Variants in CAMK1D observed in about 807,000 individuals in gnomAD.
CAMK1D encodes the protein calcium/calmodulin-dependent protein kinase type 1D.
Under a neutral mutation model 47.7 loss-of-function variants are expected in CAMK1D, and 9 were observed. The ratio of observed to expected loss-of-function variants is 0.19; its 90% CI spans 0.11 to 0.33. The LOEUF is 0.33. Among genes scored for constraint, CAMK1D ranks in the 10% least tolerant of loss-of-function variants. The pLI is 1.00. For synonymous variants in CAMK1D, 184 were observed against 184.9 expected (o/e 0.99, Z 0.04); for missense variants, 291 against 488.7 (o/e 0.60, Z 3.81).
intron 1 of CAMK1D, among the ~76,000 whole-genome samples, chr10:12,380,263 C>T (rs1386172500): frequency 3.9e-5 from 6 of 152,040 alleles, no homozygotes; most frequent in Non-Finnish European, 8.8e-5. Flanking sequence ...AGGTGAAACC[C>T]TTTTTCCTTA....
chr10:12,511,229 A>G (rs1418019857), intron 1 of CAMK1D, among the ~76,000 whole-genome samples: 1 of 152,160 alleles, frequency 6.6e-6, no homozygotes, highest in Non-Finnish European at 1.5e-5. Flanking sequence ...CAGCTCAGTT[A>G]CTGCTGACCT....
At chr10:12,617,666 C>T (rs922124475) in intron 2 of CAMK1D, among the ~76,000 whole-genome samples, 8 of 152,244 alleles carry the variant, frequency 5.3e-5, no homozygotes, top group Admixed American at 1.3e-4. Context: ...GTGAGCACGC[C>T]CTTCCTTCGG....
At chr10:12,798,009 C>T (rs1444311989) in intron 6 of CAMK1D, among the ~76,000 whole-genome samples, 1 of 152,158 alleles carries the variant, frequency 6.6e-6, no homozygotes. Context: ...CAACTCCCTG[C>T]CGGTGACCTC....
chr10:12,794,666 T>C (rs1205368708), intron 6 of CAMK1D, among the ~76,000 whole-genome samples: 1 of 152,166 alleles, frequency 6.6e-6, no homozygotes, highest in Non-Finnish European at 1.5e-5. Context: ...CCCACATCAA[T>C]TTCATGACAC....
intron 1 of CAMK1D, among the ~76,000 whole-genome samples, chr10:12,537,135 G>C (rs1836001216): frequency 6.6e-6 from 1 of 151,972 alleles, no homozygotes; most frequent in African/African-American, 2.4e-5. Flanking sequence ...GCAGTGGTGT[G>C]ATCTCAGCTC....
At chr10:12,469,040 AACGGCTCC>A (rs1193957485) in intron 1 of CAMK1D, among the ~76,000 whole-genome samples, 1 of 152,032 alleles carries the variant, frequency 6.6e-6, no homozygotes, top group African/African-American at 2.4e-5. Flanking sequence ...AAATCAAGTG[AACGGCTCC>A]ACAGGGAGAG....
chr10:12,636,367 A>G (rs1839511213), intron 2 of CAMK1D, among the ~76,000 whole-genome samples: 1 of 152,178 alleles, frequency 6.6e-6, no homozygotes, highest in African/African-American at 2.4e-5. Context: ...TTGCTTTGTC[A>G]CCTGGGCTAG....
chr10:12,541,635 C>T (rs1588613401), intron 1 of CAMK1D, among the ~76,000 whole-genome samples: 3 of 152,182 alleles, frequency 2.0e-5, no homozygotes, highest in Non-Finnish European at 4.4e-5. Context: ...GCTGGGATTA[C>T]AGGCGTGAGC....
intron 3 of CAMK1D, among the ~76,000 whole-genome samples, chr10:12,704,256 T>G (rs1833644761): frequency 6.6e-6 from 1 of 152,126 alleles, no homozygotes; most frequent in South Asian, 2.1e-4. Flanking sequence ...TGTAAAACCC[T>G]TGGCTGTTAT....
chr10:12,814,613 A>G (rs1297795354), intron 7 of CAMK1D, among the ~76,000 whole-genome samples: 1 of 152,180 alleles, frequency 6.6e-6, no homozygotes, highest in Non-Finnish European at 1.5e-5. Context: ...ATGTCCTCAC[A>G]TGGCAAAAGG....
intron 3 of CAMK1D, among the ~76,000 whole-genome samples, chr10:12,679,632 T>C (rs1175583938): frequency 2.6e-5 from 4 of 152,252 alleles, no homozygotes; most frequent in Non-Finnish European, 4.4e-5. Flanking sequence ...CCTCATGCCC[T>C]GCAAGTGCAG....
chr10:12,518,449 G>C (rs1386595032), intron 1 of CAMK1D, among the ~76,000 whole-genome samples: 1 of 152,030 alleles, frequency 6.6e-6, no homozygotes, highest in Non-Finnish European at 1.5e-5. Context: ...TATAGGGTCT[G>C]TAGTGATATG....
intron 1 of CAMK1D, among the ~76,000 whole-genome samples, chr10:12,395,214 C>T (rs1454844539): frequency 1.3e-5 from 2 of 151,558 alleles, no homozygotes; most frequent in Non-Finnish European, 2.9e-5. Context: ...TAGGTGCATA[C>T]CACTACGCCC....
chr10:12,596,410 G>A lies in CAMK1D; in HGVS notation c.224+43054G>A, dbSNP rs760415840. On this transcript the variant is annotated intron_variant, in intron 2 of 10. Coordinates refer to ENST00000619168, the MANE Select transcript of CAMK1D (RefSeq NM_153498.4). Reference sequence around the variant, plus strand: ...TGATCTGGTGGGAGGTCCCCAGTTAGAGGTTAGTTGGCAGTTTCTGATTGG... The same window carrying A: ...TGATCTGGTGGGAGGTCCCCAGTTAAAGGTTAGTTGGCAGTTTCTGATTGG... Among the ~76,000 whole-genome samples, 7 of 152,266 alleles carry A rather than the reference G, an allele frequency of 4.6e-5. No homozygotes were observed. The East Asian group carries it at 9.7e-4, about 21-fold the overall frequency.
intron 1 of CAMK1D, among the ~76,000 whole-genome samples, chr10:12,400,106 T>C (rs1429563944): frequency 6.6e-6 from 1 of 152,216 alleles, no homozygotes; most frequent in African/African-American, 2.4e-5. Flanking sequence ...GGGATGTCAT[T>C]TGCGCCTGGA....
At chr10:12,669,674 C>T (rs1840547934) in intron 3 of CAMK1D, among the ~76,000 whole-genome samples, 1 of 152,150 alleles carries the variant, frequency 6.6e-6, no homozygotes, top group Non-Finnish European at 1.5e-5. Flanking sequence ...CCCCTTCGAC[C>T]CCTTCAAAGT....
intron 3 of CAMK1D, among the ~76,000 whole-genome samples, chr10:12,700,764 C>T (rs528387340): frequency 6.6e-6 from 1 of 152,316 alleles, no homozygotes; most frequent in East Asian, 1.9e-4. Context: ...TGTCCAGTAA[C>T]TCGAATTTTC....
chr10:12,680,874 G>A (rs533811362), intron 3 of CAMK1D, among the ~76,000 whole-genome samples: 6 of 133,336 alleles, frequency 4.5e-5, no homozygotes, highest in Non-Finnish European at 8.2e-5. Flanking sequence ...GACAGAGTGA[G>A]ACCATGTCTC....
chr10:12,725,268 G>A (rs747232625), intron 3 of CAMK1D: 1 of 154,442 alleles, frequency 6.5e-6, no homozygotes, highest in Non-Finnish European at 1.5e-5. Context: ...TGGTGAAAAA[G>A]TAATCATGCT....
Sources: gnomAD v4.1 joint callset for allele counts (sites outside exome capture counted in the v4.1 genomes callset) on GRCh38, gnomAD v4.1.1 for gene constraint, MANE v1.5 for transcripts, NCBI Gene and HGNC (gene_info 2026-07-23, HGNC 2026-07-21) for gene names.